RBM19: variants seen among roughly 807,000 people sequenced by gnomAD.
RBM19 encodes the protein probable RNA-binding protein 19.
Under a neutral mutation model 116.8 loss-of-function variants are expected in RBM19, and 94 were observed. That is an observed-to-expected ratio of 0.80 (90% CI 0.68 to 0.95). RBM19 has a LOEUF of 0.95. RBM19 is among the 40% of genes least tolerant of loss of function. RBM19 has a pLI of 0.00. For synonymous variants in RBM19, 475 were observed against 494.1 expected (o/e 0.96, Z 0.51); for missense variants, 1,161 against 1,220.7 (o/e 0.95, Z 0.73).
At chr12:113,950,958 C>T (rs1723155403) in intron 8 of RBM19, among the ~76,000 whole-genome samples, 1 of 152,146 alleles carries the variant, frequency 6.6e-6, no homozygotes, top group Admixed American at 6.5e-5. Flanking sequence ...ATGGCAAACG[C>T]CTGGCTCCAG....
At chr12:113,835,837 C>T (rs1875830079) in intron 23 of RBM19, among the ~76,000 whole-genome samples, 1 of 152,214 alleles carries the variant, frequency 6.6e-6, no homozygotes, top group South Asian at 2.1e-4. Context: ...ATCAGTCCTC[C>T]CCAGCTGGAA....
intron 21 of RBM19, among the ~76,000 whole-genome samples, chr12:113,914,418 C>A (rs1222931841): frequency 6.6e-6 from 1 of 152,226 alleles, no homozygotes; most frequent in Non-Finnish European, 1.5e-5. Flanking sequence ...TCATTTAGGC[C>A]ACTGGTCCCC....
intron 8 of RBM19, among the ~76,000 whole-genome samples, chr12:113,951,674 GAGA>G (rs1325851885): frequency 6.6e-6 from 1 of 152,210 alleles, no homozygotes; most frequent in Non-Finnish European, 1.5e-5. Context: ...AGTCTGCAAG[GAGA>G]AGGATGGGTG....
rs928657666 is a variant in RBM19, at chr12:113,825,230, C to T, written c.2786-1909G>A. ...ACGGCAGAGCCTGCCCCATGGTGAG[C>T]GTGCAGAAGGTGCGGGAGGTGCCCA... On this transcript the variant is annotated intron_variant, in intron 23 of 23. Coordinates refer to ENST00000261741, the MANE Select transcript of RBM19 (RefSeq NM_016196.4). This position sits in a 1 kb window ranked among gnomAD's most constrained non-coding sequence, Gnocchi z 5.7. Among the ~76,000 whole-genome samples the T allele has an allele frequency of 6.6e-6, 1 of 151,976 alleles. No individual in the cohort carries two copies. The highest frequency in any genetic ancestry group is 1.5e-5 in the Non-Finnish European group (1 of 67,980).
chr12:113,926,380 A>G (rs1869072919), intron 17 of RBM19, among the ~76,000 whole-genome samples: 1 of 152,196 alleles, frequency 6.6e-6, no homozygotes, highest in Admixed American at 6.5e-5. Flanking sequence ...AAAACTGAAA[A>G]ACCCACTGAG....
chr12:113,900,866 A>T (rs731745), intron 21 of RBM19, among the ~76,000 whole-genome samples: 52,965 of 152,052 alleles, frequency 0.35, 10,803 homozygotes, highest in African/African-American at 0.57. Flanking sequence ...TCTCCAGTGA[A>T]GAAGGTATCA....
chr12:113,844,320 A>G (rs1295651175), intron 23 of RBM19, among the ~76,000 whole-genome samples: 1 of 152,244 alleles, frequency 6.6e-6, no homozygotes, highest in Non-Finnish European at 1.5e-5. Context: ...CTGTGAGGAC[A>G]GAGCCAACGG....
At chr12:113,836,844 G>A (rs943655882) in intron 23 of RBM19, among the ~76,000 whole-genome samples, 14 of 65,570 alleles carry the variant, frequency 2.1e-4, no homozygotes, top group Admixed American at 3.2e-4. Context: ...ACACACACAC[G>A]TGTCCCAAGC....
rs142257297 is a variant in RBM19 at position 113,845,994 on chromosome 12, C to T, written c.2665-1206G>A. On this transcript the variant is annotated intron_variant, in intron 22 of 23. Coordinates refer to ENST00000261741, the MANE Select transcript of RBM19 (RefSeq NM_016196.4). ...GGTTCTAGGGACAAAAATGAGTTAA[C>T]AGCGTCTAGAACAGTATGGGCACAC... Among the ~76,000 whole-genome samples, 600 of 152,360 alleles carry T rather than the reference C, an allele frequency of 3.9e-3. 7 individuals are homozygous for T. The highest frequency in any genetic ancestry group is 0.013 in the African/African-American group (561 of 41,584).
At chr12:113,870,719 A>G (rs1409124468) in intron 21 of RBM19, among the ~76,000 whole-genome samples, 1 of 152,156 alleles carries the variant, frequency 6.6e-6, no homozygotes. Flanking sequence ...AGTCCCTAGG[A>G]AATTAGAAAA....
chr12:113,874,054 C>T (rs989438527), intron 21 of RBM19, among the ~76,000 whole-genome samples: 41 of 152,220 alleles, frequency 2.7e-4, no homozygotes, highest in Non-Finnish European at 5.3e-4. Context: ...AAAGGTGCTC[C>T]GACCCAGGCT....
At chr12:113,924,408 C>T (rs752229523) in intron 18 of RBM19, among the ~76,000 whole-genome samples, 3 of 152,154 alleles carry the variant, frequency 2.0e-5, no homozygotes, top group Non-Finnish European at 4.4e-5. Context: ...CACTATCTGC[C>T]CACAAATGTT....
At chr12:113,856,188 C>T (rs898954303) in intron 22 of RBM19, among the ~76,000 whole-genome samples, 2 of 152,164 alleles carry the variant, frequency 1.3e-5, no homozygotes, top group South Asian at 2.1e-4. Context: ...TCCCAGAGCC[C>T]GGAGTAAAGG....
At chr12:113,940,977 G>A (rs146401974) in intron 14 of RBM19, among the ~76,000 whole-genome samples, 118 of 152,236 alleles carry the variant, frequency 7.8e-4, no homozygotes, top group African/African-American at 2.7e-3. Flanking sequence ...CTCTGAAAAC[G>A]TTAGCAATAA....
chr12:113,873,028 G>A lies in RBM19; in HGVS notation c.2559-14132C>T, dbSNP rs1250651074. On this transcript the variant is annotated intron_variant, in intron 21 of 23. Coordinates refer to ENST00000261741, the MANE Select transcript of RBM19 (RefSeq NM_016196.4). ...TGGGAAGTGAGGAGCCCCTCTGCCC[G>A]GCCAGCCGCCCCGTCCGGGAGGGAG... 1.9e-4 allele frequency among the ~76,000 whole-genome samples: 23 copies of A among 118,330 alleles called. No individual in the cohort carries two copies. The East Asian group carries it at 2.8e-3, about 14-fold the overall frequency. The allele number at this position is 118,330 out of a possible 152,430, so 77.6% of individuals were successfully genotyped here. A position where few individuals can be genotyped will look rare whatever the true frequency, so the allele number is the denominator to read the frequency against.
At chr12:113,868,843 C>G (rs1308601580) in intron 21 of RBM19, among the ~76,000 whole-genome samples, 1 of 152,210 alleles carries the variant, frequency 6.6e-6, no homozygotes, top group African/African-American at 2.4e-5. Flanking sequence ...AAGTCTAGCT[C>G]TGACAGTGAG....
chr12:113,897,702 G>C (rs189224787), intron 21 of RBM19, among the ~76,000 whole-genome samples: 2 of 152,206 alleles, frequency 1.3e-5, no homozygotes, highest in Non-Finnish European at 2.9e-5. Flanking sequence ...ATGTTTGGTC[G>C]TGCAGGTTGA....
At chr12:113,842,644 G>A (rs1434743596) in intron 23 of RBM19, among the ~76,000 whole-genome samples, 2 of 152,212 alleles carry the variant, frequency 1.3e-5, no homozygotes. Flanking sequence ...GGTCCAGAGA[G>A]GATAACAAAT....
chr12:113,873,910 G>A (rs1044742078), intron 21 of RBM19, among the ~76,000 whole-genome samples: 3 of 152,152 alleles, frequency 2.0e-5, no homozygotes, highest in Non-Finnish European at 4.4e-5. Flanking sequence ...TGCCCCAGAG[G>A]GCCAAGAGCC....
Sources: gnomAD v4.1 joint callset for allele counts (sites outside exome capture counted in the v4.1 genomes callset) on GRCh38, gnomAD v4.1.1 for gene constraint, Gnocchi (gnomAD v3.1) non-coding constraint, MANE v1.5 for transcripts, NCBI Gene and HGNC (gene_info 2026-07-23, HGNC 2026-07-21) for gene names.